The following ZEB1 variants were observed in gnomAD, a reference collection of about 807,000 sequenced individuals.
The protein encoded by ZEB1 is zinc finger E-box-binding homeobox 1.
Under a neutral mutation model 84.9 loss-of-function variants are expected in ZEB1, and 21 were observed. That is an observed-to-expected ratio of 0.25 (90% CI 0.18 to 0.36). ZEB1 has a LOEUF of 0.36. Ranked by LOEUF, ZEB1 falls within the 10% of genes least tolerant of loss-of-function variation. The probability of loss-of-function intolerance (pLI) is 1.00; values close to 1 mark genes in which losing one functional copy is unlikely to be tolerated. For missense variants in ZEB1, 1,104 were observed against 1,330.2 expected (o/e 0.83, Z 2.65); for synonymous variants, 420 against 471.1 (o/e 0.89, Z 1.41).
intron 1 of ZEB1, among the ~76,000 whole-genome samples, chr10:31,383,767 A>G (rs2048118842): frequency 6.6e-6 from 1 of 152,128 alleles, no homozygotes. Flanking sequence ...GCTATAGAAC[A>G]TTTTTGCCAT....
At chr10:31,452,701 A>ATG (rs377004895) in intron 1 of ZEB1, among the ~76,000 whole-genome samples, 11,585 of 89,444 alleles carry the variant, frequency 0.13, 1,143 homozygotes, top group Non-Finnish European at 0.19. Context: ...TTAGGATAAA[A>ATG]TGTGTGTGTG....
intron 6 of ZEB1, among the ~76,000 whole-genome samples, chr10:31,518,963 G>A (rs1479438725): frequency 6.6e-6 from 1 of 152,010 alleles, no homozygotes; most frequent in African/African-American, 2.4e-5. Context: ...TTTTAGTAGG[G>A]CTTAAATTGA....
At chr10:31,457,194 TC>T (rs745877102) in intron 1 of ZEB1, among the ~76,000 whole-genome samples, 10 of 152,272 alleles carry the variant, frequency 6.6e-5, no homozygotes, top group African/African-American at 2.4e-4. Context: ...GTTAAACAGT[TC>T]AGGGGTATAG....
At chr10:31,437,777 C>T (rs2058457659) in intron 1 of ZEB1, among the ~76,000 whole-genome samples, 1 of 152,104 alleles carries the variant, frequency 6.6e-6, no homozygotes, top group Non-Finnish European at 1.5e-5. Flanking sequence ...TTTCTCTTCC[C>T]ATGGTCAGGA....
At chr10:31,397,718 A>G (rs2051062092) in intron 1 of ZEB1, among the ~76,000 whole-genome samples, 2 of 152,200 alleles carry the variant, frequency 1.3e-5, no homozygotes. Context: ...TGTTAAATTT[A>G]AAAAAGGATT....
At chr10:31,505,387 G>A (rs2068804848) in intron 4 of ZEB1, among the ~76,000 whole-genome samples, 1 of 152,002 alleles carries the variant, frequency 6.6e-6, no homozygotes, top group African/African-American at 2.4e-5. Context: ...TTGACAGTTT[G>A]GTAGAATTCA....
intron 1 of ZEB1, among the ~76,000 whole-genome samples, chr10:31,347,718 A>T (rs903579317): frequency 6.6e-5 from 10 of 152,312 alleles, no homozygotes; most frequent in East Asian, 3.9e-4. Context: ...AATTAAAAAA[A>T]TTTTAAAACA....
At position 31,360,881 on chromosome 10, in the gene ZEB1, G is replaced by A; in HGVS notation, c.58+41589G>A. ...CTAGTGCCACAGTAGTGGCGTTACA[G>A]TGAGCTGCAGTAACCTGAAACAGTA... On this transcript the variant is annotated intron_variant, in intron 1 of 8. Transcript: ENST00000424869. 2.5e-6 allele frequency: 3 copies of A among 1,215,380 alleles called. No individual in the cohort carries two copies. The South Asian group carries it at 3.7e-5, about 15-fold the overall frequency. 75.3% of individuals were successfully genotyped at this position (1,215,380 alleles called of 1,614,324 possible).
intron 1 of ZEB1, among the ~76,000 whole-genome samples, chr10:31,346,316 T>TTC (rs2040303604): frequency 6.6e-6 from 1 of 152,126 alleles, no homozygotes; most frequent in Non-Finnish European, 1.5e-5. Context: ...AACTGGATAG[T>TTC]TGGTTTTCAG....
intron 2 of ZEB1, among the ~76,000 whole-genome samples, chr10:31,474,835 G>C (rs1315248305): frequency 6.6e-6 from 1 of 152,068 alleles, no homozygotes; most frequent in Non-Finnish European, 1.5e-5. Flanking sequence ...TGATAGACTG[G>C]ATTAAGAAAA....
intron 1 of ZEB1, among the ~76,000 whole-genome samples, chr10:31,385,711 A>G (rs1242033586): frequency 6.6e-6 from 1 of 152,018 alleles, no homozygotes; most frequent in African/African-American, 2.4e-5. Flanking sequence ...TATTTTTAGT[A>G]GAGATGGGGT....
At chr10:31,360,040 C>T (rs2042749197) in intron 1 of ZEB1, among the ~76,000 whole-genome samples, 1 of 152,120 alleles carries the variant, frequency 6.6e-6, no homozygotes, top group Non-Finnish European at 1.5e-5. Flanking sequence ...TACTAGTGTA[C>T]AGAGAAGGGT....
At chr10:31,401,219 C>T (rs2051923883) in intron 1 of ZEB1, among the ~76,000 whole-genome samples, 1 of 152,136 alleles carries the variant, frequency 6.6e-6, no homozygotes. Context: ...GTCAGTGACA[C>T]ATTTTTAAAA....
chr10:31,440,884 C>A (rs1269926187), intron 1 of ZEB1, among the ~76,000 whole-genome samples: 1 of 152,118 alleles, frequency 6.6e-6, no homozygotes, highest in Non-Finnish European at 1.5e-5. Context: ...GAACTACAAA[C>A]CACTGGTCAA....
intron 1 of ZEB1, among the ~76,000 whole-genome samples, chr10:31,370,299 G>T (rs1243475878): frequency 6.6e-6 from 1 of 152,058 alleles, no homozygotes; most frequent in Non-Finnish European, 1.5e-5. Flanking sequence ...GAAAAAGGGT[G>T]CCAGGATGTG....
At chr10:31,408,152 A>G (rs1192899979) in intron 1 of ZEB1, among the ~76,000 whole-genome samples, 1 of 151,520 alleles carries the variant, frequency 6.6e-6, no homozygotes, top group Non-Finnish European at 1.5e-5. Flanking sequence ...CAATTGCTTC[A>G]AAGAGAATAA....
rs1170721830 is a variant in ZEB1, at chr10:31,369,236, C to CTTTTATTA, written c.58+49949_58+49956dup. ...TTCATATTGAGACATTTGAAATTTG[C>CTTTTATTA]TTTTATTATTTTGAAATACTTAAAA... On this transcript the variant is annotated intron_variant, in intron 1 of 8. Coordinates refer to ENST00000424869, the MANE Select transcript of ZEB1 (RefSeq NM_001174096.2). 3.3e-5 allele frequency among the ~76,000 whole-genome samples: 5 copies of CTTTTATTA among 152,172 alleles called. No individual in the cohort carries two copies. In the East Asian group the frequency reaches 9.7e-4, roughly 29 times the overall value.
chr10:31,321,917 T>G (rs1384102038), intron 1 of ZEB1: 1 of 238,948 alleles, frequency 4.2e-6, no homozygotes, highest in Non-Finnish European at 8.4e-6. Flanking sequence ...TCTGCTGCTT[T>G]CATTCTCAAG....
rs1185563169 is a variant in ZEB1, at chr10:31,361,184, A to G, written c.58+41892A>G. 15 of 1,611,808 alleles carry G rather than the reference A, an allele frequency of 9.3e-6. 1 individual carries two copies. The African/African-American group carries it at 1.2e-4, about 13-fold the overall frequency. On this transcript the variant is annotated intron_variant, in intron 1 of 8. Coordinates refer to ENST00000424869, the MANE Select transcript of ZEB1 (RefSeq NM_001174096.2). ...CTTGTTCCTCCTGTCCCAAAAGACCATCCTGCTCTCAACTACAACATCGTT... is the reference window on the plus strand; with the variant it reads ...CTTGTTCCTCCTGTCCCAAAAGACCGTCCTGCTCTCAACTACAACATCGTT...
Sources: allele counts gnomAD v4.1 joint callset (sites outside exome capture counted in the v4.1 genomes callset), GRCh38; gene constraint gnomAD v4.1.1; transcripts MANE v1.5; gene names NCBI Gene and HGNC (gene_info 2026-07-23, HGNC 2026-07-21).